The following UNC13C variants were observed in gnomAD, a reference collection of about 807,000 sequenced individuals.
UNC13C encodes unc-13 homolog C.
Under a neutral mutation model 245.4 loss-of-function variants are expected in UNC13C, and 174 were observed. That is an observed-to-expected ratio of 0.71 (90% CI 0.63 to 0.80). The LOEUF (loss-of-function observed/expected upper bound fraction) is 0.80, where lower values mean the gene tolerates loss of function less well. Among genes scored for constraint, UNC13C ranks in the 30% least tolerant of loss-of-function variants. The probability of loss-of-function intolerance (pLI) is 0.00; values close to 1 mark genes in which losing one functional copy is unlikely to be tolerated. For synonymous variants in UNC13C, 992 were observed against 895.1 expected (o/e 1.11, Z -1.93); for missense variants, 2,829 against 2,602.9 (o/e 1.09, Z -1.89).
chr15:54,172,119 G>C lies in UNC13C; in HGVS notation c.3071+28435G>C, dbSNP rs534830198. Reference sequence around the variant, plus strand: ...GTTACCAGAGGCTGGGAAGGGTAGTGGTGGGGGAGTGGGAATGGTTAATGA... The same window carrying C: ...GTTACCAGAGGCTGGGAAGGGTAGTCGTGGGGGAGTGGGAATGGTTAATGA... On this transcript the variant is annotated intron_variant, in intron 4 of 32. Transcript: ENST00000260323. Among the ~76,000 whole-genome samples the C allele has an allele frequency of 2.0e-3, 305 of 152,158 alleles. 2 individuals carry two copies. Among genetic ancestry groups the C allele is most frequent in the African/African-American group, 7.3e-3 (302 of 41,532 alleles).
At chr15:54,141,301 C>T (rs2032006918) in intron 2 of UNC13C, among the ~76,000 whole-genome samples, 1 of 151,774 alleles carries the variant, frequency 6.6e-6, no homozygotes, top group Non-Finnish European at 1.5e-5. Context: ...GTAAAAATAA[C>T]TTTCTATTTT....
chr15:54,028,682 G>A (rs1896222804), intron 2 of UNC13C, among the ~76,000 whole-genome samples: 1 of 42,378 alleles, frequency 2.4e-5, no homozygotes, highest in Admixed American at 2.5e-4. Context: ...CAGCCTACAA[G>A]TCTTTTTTTT....
intron 7 of UNC13C, among the ~76,000 whole-genome samples, chr15:54,238,294 C>T (rs1335507172): frequency 6.6e-6 from 1 of 151,948 alleles, no homozygotes; most frequent in Admixed American, 6.6e-5. Flanking sequence ...AGGATGGTCT[C>T]CATCTCTTGA....
chr15:53,887,576 T>A, the UNC13C span, among the ~76,000 whole-genome samples: 1 of 152,152 alleles, frequency 6.6e-6, no homozygotes, highest in African/African-American at 2.4e-5. Flanking sequence ...GGGGTCTGTT[T>A]CTTTTTGTTT....
chr15:54,250,584 T>C, intron 8 of UNC13C, 140 bp downstream of exon 8: 2 of 719,998 alleles, frequency 2.8e-6, no homozygotes, highest in Non-Finnish European at 4.5e-6. Flanking sequence ...AAGATACACA[T>C]ACTGTCCATC....
intron 16 of UNC13C, among the ~76,000 whole-genome samples, chr15:54,334,082 C>A (rs1325290656): frequency 6.6e-6 from 1 of 152,076 alleles, no homozygotes; most frequent in Non-Finnish European, 1.5e-5. Flanking sequence ...TAATTTAGTT[C>A]TCAGTTAAAT....
At chr15:54,314,072 C>CA (rs11316411) in intron 13 of UNC13C, among the ~76,000 whole-genome samples, 1,644 of 137,608 alleles carry the variant, frequency 0.012, 30 homozygotes, top group African/African-American at 0.036. Flanking sequence ...TATGTGGCAT[C>CA]AAAAAAAAAA....
At chr15:54,250,550 C>T (rs527299523) in intron 8 of UNC13C, 106 bp downstream of exon 8, 43 of 994,258 alleles carry the variant, frequency 4.3e-5, no homozygotes, top group Middle Eastern at 3.3e-4. Context: ...AAATCCTACC[C>T]GCTCCCCTCC....
At chr15:54,220,194 C>G (rs2140779440) in intron 4 of UNC13C, among the ~76,000 whole-genome samples, 1 of 151,296 alleles carries the variant, frequency 6.6e-6, no homozygotes, top group South Asian at 2.1e-4. Context: ...TTGGAACCAA[C>G]CCAAATGTCT....
At chr15:53,861,920 C>T in the UNC13C span, among the ~76,000 whole-genome samples, 1 of 152,176 alleles carries the variant, frequency 6.6e-6, no homozygotes, top group Non-Finnish European at 1.5e-5. Flanking sequence ...TCTTGTCCCT[C>T]CAACTCAGTC....
intron 2 of UNC13C, among the ~76,000 whole-genome samples, chr15:54,136,453 T>A (rs1054172042): frequency 6.6e-6 from 1 of 152,206 alleles, no homozygotes; most frequent in African/African-American, 2.4e-5. Context: ...TGGTGGAGTC[T>A]AGGGTTTTCC....
chr15:53,840,919 A>T, the UNC13C span, among the ~76,000 whole-genome samples: 4 of 152,166 alleles, frequency 2.6e-5, no homozygotes, highest in African/African-American at 9.7e-5. Context: ...TGGGTACATC[A>T]TCCTAAAGTA....
intron 17 of UNC13C, among the ~76,000 whole-genome samples, chr15:54,353,848 C>T (rs78472042): frequency 8.9e-4 from 136 of 152,182 alleles, no homozygotes; most frequent in African/African-American, 3.0e-3. Flanking sequence ...CTAGCTACAC[C>T]GCTTCACACA....
At chr15:53,946,099 T>A in the UNC13C span, among the ~76,000 whole-genome samples, 4 of 152,214 alleles carry the variant, frequency 2.6e-5, no homozygotes, top group Non-Finnish European at 5.9e-5. Context: ...ATCCTGATAC[T>A]TTGCTAACAT....
At chr15:54,001,277 C>G (rs374471188) in intron 1 of UNC13C, among the ~76,000 whole-genome samples, 36 of 152,222 alleles carry the variant, frequency 2.4e-4, no homozygotes, top group African/African-American at 8.2e-4. Flanking sequence ...ACATGTCATA[C>G]AGTATAGTAA....
chr15:53,973,985 C>T (rs1022026238), upstream of UNC13C, among the ~76,000 whole-genome samples: 1 of 152,088 alleles, frequency 6.6e-6, no homozygotes, highest in African/African-American at 2.4e-5. Flanking sequence ...TTGAAGTAGA[C>T]GTTCAAGGCC....
chr15:54,334,098 T>C (rs753138745), intron 16 of UNC13C, among the ~76,000 whole-genome samples: 1 of 152,154 alleles, frequency 6.6e-6, no homozygotes, highest in African/African-American at 2.4e-5. Context: ...TAAATTTGTC[T>C]TAGAGAAAGC....
At chr15:54,299,383 C>A (rs1351854959) in intron 12 of UNC13C, among the ~76,000 whole-genome samples, 4 of 152,156 alleles carry the variant, frequency 2.6e-5, no homozygotes, top group African/African-American at 7.2e-5. Context: ...CTGACTCTTA[C>A]CATTTTGCAG....
intron 18 of UNC13C, among the ~76,000 whole-genome samples, chr15:54,402,482 T>G (rs1358429910): frequency 6.6e-6 from 1 of 151,946 alleles, no homozygotes; most frequent in Non-Finnish European, 1.5e-5. Flanking sequence ...TGAAAAAGAG[T>G]TGATCTTGAA....
Sources: allele counts gnomAD v4.1 joint callset (sites outside exome capture counted in the v4.1 genomes callset), GRCh38; gene constraint gnomAD v4.1.1; transcripts MANE v1.5; gene names NCBI Gene and HGNC (gene_info 2026-07-23, HGNC 2026-07-21).